Variants in INSL6 observed in about 807,000 individuals in gnomAD.
The protein encoded by INSL6 is insulin-like peptide INSL6.
A neutral mutation model predicts 9.4 loss-of-function variants in INSL6; 16 were observed. The ratio of observed to expected loss-of-function variants is 1.70; its 90% confidence interval spans 1.15 to 2.59. INSL6 has a LOEUF of 2.59. Among genes scored for constraint, INSL6 ranks in the 30% most tolerant of loss-of-function variants. The pLI, the probability that INSL6 is intolerant of heterozygous loss-of-function variation, is 0.00. For synonymous variants in INSL6, 154 were observed against 96.9 expected (o/e 1.59, Z -3.46); for missense variants, 391 against 257.3 (o/e 1.52, Z -3.56).
the INSL6 span, among the ~76,000 whole-genome samples, chr9:5,061,528 C>A: frequency 3.9e-5 from 6 of 152,230 alleles, no homozygotes; most frequent in African/African-American, 1.4e-4. Context: ...TAGCTTCCAA[C>A]TTTTCTTCTG....
the INSL6 span, among the ~76,000 whole-genome samples, chr9:5,072,967 A>C: frequency 6.6e-6 from 1 of 152,184 alleles, no homozygotes; most frequent in African/African-American, 2.4e-5. Flanking sequence ...AAAAAAACAA[A>C]AAACCAAGTT....
chr9:4,993,265 T>C, the INSL6 span, among the ~76,000 whole-genome samples: 1 of 152,226 alleles, frequency 6.6e-6, no homozygotes, highest in Non-Finnish European at 1.5e-5. Context: ...TGAAAGGATC[T>C]ATGAGGTACT....
At chr9:5,107,047 C>A in the INSL6 span, among the ~76,000 whole-genome samples, 2 of 152,088 alleles carry the variant, frequency 1.3e-5, no homozygotes, top group Non-Finnish European at 2.9e-5. Flanking sequence ...ATATATACAT[C>A]ACTTTACATC....
the INSL6 span, among the ~76,000 whole-genome samples, chr9:5,089,481 T>C: frequency 2.3e-5 from 3 of 129,810 alleles, no homozygotes; most frequent in African/African-American, 8.9e-5. Context: ...GAGCTTGCAG[T>C]GAGCCGAGAT....
At chr9:5,088,054 A>G in the INSL6 span, among the ~76,000 whole-genome samples, 4 of 152,226 alleles carry the variant, frequency 2.6e-5, no homozygotes, top group African/African-American at 9.6e-5. Context: ...TTTGTTTTCT[A>G]AAATGTGTTT....
the INSL6 span, chr9:5,099,019 C>T: frequency 1.3e-5 from 2 of 152,044 alleles, no homozygotes; most frequent in African/African-American, 4.8e-5. Context: ...TTATATAACC[C>T]CAACACCAGA....
At chr9:5,165,210 C>CA (rs1160880567) in intron 1 of INSL6, among the ~76,000 whole-genome samples, 2 of 151,346 alleles carry the variant, frequency 1.3e-5, no homozygotes, top group South Asian at 2.1e-4. Context: ...GACTCCATCT[C>CA]AAAAAACAAA....
chr9:5,071,173 G>C, the INSL6 span, among the ~76,000 whole-genome samples: 5 of 152,120 alleles, frequency 3.3e-5, no homozygotes, highest in African/African-American at 1.2e-4. Flanking sequence ...ATATTGTGTG[G>C]TGCTTGGAAG....
downstream of INSL6, among the ~76,000 whole-genome samples, chr9:5,119,966 A>G (rs948790719): frequency 1.7e-4 from 26 of 152,356 alleles, no homozygotes; most frequent in African/African-American, 6.0e-4. Context: ...GAGCTAACTT[A>G]TTGAATAATA....
chr9:5,034,130 A>G, the INSL6 span, among the ~76,000 whole-genome samples: 7 of 152,232 alleles, frequency 4.6e-5, no homozygotes, highest in African/African-American at 1.4e-4. Context: ...AACAAAGATC[A>G]AAAGAAACAA....
the INSL6 span, among the ~76,000 whole-genome samples, chr9:5,083,261 G>C: frequency 6.6e-6 from 1 of 152,148 alleles, no homozygotes; most frequent in Non-Finnish European, 1.5e-5. Context: ...CACTAGCAGA[G>C]ACTCTGTCTA....
chr9:5,031,514 G>A, the INSL6 span, among the ~76,000 whole-genome samples: 4 of 152,210 alleles, frequency 2.6e-5, no homozygotes, highest in African/African-American at 7.2e-5. Flanking sequence ...TTGATTAGCT[G>A]TTTGAATAAA....
downstream of INSL6, among the ~76,000 whole-genome samples, chr9:5,119,296 G>T (rs1823438356): frequency 1.3e-5 from 2 of 151,998 alleles, no homozygotes; most frequent in Non-Finnish European, 2.9e-5. Context: ...CAGAACAAAT[G>T]CATGGAGGTA....
chr9:5,041,966 C>T, the INSL6 span: 2 of 374,008 alleles, frequency 5.3e-6, no homozygotes, highest in Non-Finnish European at 5.2e-6. Flanking sequence ...CGTGCGGCCC[C>T]TTGGGGAGCG....
intron 1 of INSL6, among the ~76,000 whole-genome samples, chr9:5,177,627 G>T (rs1286862114): frequency 6.6e-6 from 1 of 152,232 alleles, no homozygotes; most frequent in Non-Finnish European, 1.5e-5. Flanking sequence ...TGTTCTGCAC[G>T]TCCCACTTCC....
chr9:5,143,224 C>T (rs960345426), intron 2 of INSL6, among the ~76,000 whole-genome samples: 6 of 145,820 alleles, frequency 4.1e-5, no homozygotes, highest in African/African-American at 1.4e-4. Context: ...CAGAGGAGTT[C>T]CTTCTCCTCA....
At chr9:5,170,431 C>A (rs1825154068) in intron 1 of INSL6, among the ~76,000 whole-genome samples, 1 of 151,816 alleles carries the variant, frequency 6.6e-6, no homozygotes, top group African/African-American at 2.4e-5. Context: ...ACGTCACAAC[C>A]AAAAGAAGTA....
the INSL6 span, among the ~76,000 whole-genome samples, chr9:5,090,293 T>C: frequency 6.6e-6 from 1 of 152,348 alleles, no homozygotes; most frequent in East Asian, 1.9e-4. Flanking sequence ...AAAAAGACTA[T>C]GTTCTTAACA....
At chr9:4,994,591 T>C in the INSL6 span, among the ~76,000 whole-genome samples, 1 of 152,224 alleles carries the variant, frequency 6.6e-6, no homozygotes, top group African/African-American at 2.4e-5. Flanking sequence ...TTGTTTCTCT[T>C]GCACCTACTC....
Sources: allele counts gnomAD v4.1 joint callset (sites outside exome capture counted in the v4.1 genomes callset), GRCh38; gene constraint gnomAD v4.1.1; transcripts MANE v1.5; gene names NCBI Gene and HGNC (gene_info 2026-07-23, HGNC 2026-07-21).